Variants in SEMA3A observed in about 807,000 individuals in gnomAD.
SEMA3A encodes the protein semaphorin-3A.
Under a neutral mutation model 97.9 loss-of-function variants are expected in SEMA3A, and 29 were observed. The observed-to-expected ratio is 0.30, with a 90% CI of 0.22 to 0.40. The LOEUF (loss-of-function observed/expected upper bound fraction) is 0.40. SEMA3A is among the 10% of genes least tolerant of loss of function. SEMA3A has a pLI of 1.00. For synonymous variants in SEMA3A, 321 were observed against 323.7 expected, an observed-to-expected ratio of 0.99 and a Z score of 0.09; for missense variants, 763 against 951.3, an observed-to-expected ratio of 0.80 and a Z score of 2.60.
At chr7:84,171,877 T>C (rs912503079) in intron 1 of SEMA3A, among the ~76,000 whole-genome samples, 1 of 152,188 alleles carries the variant, frequency 6.6e-6, no homozygotes, top group African/African-American at 2.4e-5. Flanking sequence ...TTGCATTTGC[T>C]GTGTCATGAG....
chr7:84,056,140 C>T (rs1188352108), intron 5 of SEMA3A, among the ~76,000 whole-genome samples: 1 of 149,410 alleles, frequency 6.7e-6, no homozygotes, highest in South Asian at 2.1e-4. Context: ...ACAAAAGTTA[C>T]TATTTGAGGA....
chr7:84,479,689 C>G (rs974803455), intron 1 of SEMA3A, among the ~76,000 whole-genome samples: 2 of 151,972 alleles, frequency 1.3e-5, no homozygotes, highest in Non-Finnish European at 2.9e-5. Context: ...TGTCAAAGAG[C>G]TATATTTTAT....
At chr7:84,091,970 C>T (rs1794616483) in intron 4 of SEMA3A, among the ~76,000 whole-genome samples, 3 of 152,114 alleles carry the variant, frequency 2.0e-5, no homozygotes, top group South Asian at 2.1e-4. Context: ...TATAAGTCTA[C>T]ACACTACACT....
intron 4 of SEMA3A, among the ~76,000 whole-genome samples, chr7:84,077,158 G>C (rs1318045329): frequency 6.6e-6 from 1 of 152,030 alleles, no homozygotes; most frequent in African/African-American, 2.4e-5. Flanking sequence ...GCCCCAGTGA[G>C]ACCTGGTAAA....
At chr7:84,097,851 A>AT (rs1346282672) in intron 4 of SEMA3A, among the ~76,000 whole-genome samples, 1 of 152,104 alleles carries the variant, frequency 6.6e-6, no homozygotes, top group Non-Finnish European at 1.5e-5. Flanking sequence ...ATGGCATTCG[A>AT]TTTTTTAAAG....
At chr7:84,386,497 A>C (rs1190387238) in intron 1 of SEMA3A, among the ~76,000 whole-genome samples, 1 of 152,176 alleles carries the variant, frequency 6.6e-6, no homozygotes, top group Non-Finnish European at 1.5e-5. Context: ...CAAAATAGTC[A>C]TATGGTTTAA....
chr7:84,414,573 G>T (rs1228953), intron 1 of SEMA3A, among the ~76,000 whole-genome samples: 26,891 of 151,946 alleles, frequency 0.18, 2,524 homozygotes, highest in Middle Eastern at 0.22. Flanking sequence ...TGTGATTCTA[G>T]TATAATAGGA....
At chr7:84,261,954 T>A (rs1297405724) in intron 3 of SEMA3A, among the ~76,000 whole-genome samples, 1 of 152,044 alleles carries the variant, frequency 6.6e-6, no homozygotes, top group Non-Finnish European at 1.5e-5. Context: ...GTTATCTTTT[T>A]TCTTAGAGAG....
At position 84,334,762 on chromosome 7, in the gene SEMA3A, C is replaced by T. The variant is rs542266735; in HGVS notation, c.-168-27470G>A. 3.6e-4 allele frequency among the ~76,000 whole-genome samples: 54 copies of T among 150,972 alleles called. 1 individual carries two copies. The highest frequency in any genetic ancestry group is 2.4e-4 in the Non-Finnish European group (16 of 67,722). ...TGTCTTGATCCACTTTTCATCCCTC[C>T]ATCTTCTCTCTTGTTTTCCTCTCAC... is the stretch of plus-strand genomic sequence containing the variant. On this transcript the variant is annotated intron_variant, in intron 2 of 3. Transcript: ENST00000424555.
chr7:84,382,964 T>C (rs960829631), intron 1 of SEMA3A, among the ~76,000 whole-genome samples: 4 of 152,110 alleles, frequency 2.6e-5, no homozygotes, highest in Non-Finnish European at 5.9e-5. Context: ...GATTCTAGAT[T>C]ACAATAAACA....
intron 1 of SEMA3A, among the ~76,000 whole-genome samples, chr7:84,177,098 G>C (rs1797591312): frequency 6.6e-6 from 1 of 152,038 alleles, no homozygotes; most frequent in African/African-American, 2.4e-5. Context: ...TTCAAATAAA[G>C]CTCATGCATC....
intron 4 of SEMA3A, among the ~76,000 whole-genome samples, chr7:84,068,437 A>C (rs565196067): frequency 1.3e-5 from 2 of 148,312 alleles, no homozygotes; most frequent in Admixed American, 1.3e-4. Context: ...AAAAAAAAAA[A>C]AACTGGAAAA....
At chr7:83,975,123 T>A (rs1345223438) in intron 15 of SEMA3A, among the ~76,000 whole-genome samples, 1 of 152,192 alleles carries the variant, frequency 6.6e-6, no homozygotes, top group African/African-American at 2.4e-5. Context: ...CCCCAGTCAT[T>A]CAATGGTTAA....
chr7:83,985,568 A>G (rs1789596268), intron 12 of SEMA3A, 91 bp from the exon 13 acceptor site: 2 of 1,009,604 alleles, frequency 2.0e-6, no homozygotes, highest in Admixed American at 1.9e-5. Context: ...ATTAGTTTTC[A>G]GAGAGAAACT....
At chr7:84,371,101 G>C (rs1255595352) in intron 2 of SEMA3A, among the ~76,000 whole-genome samples, 1 of 151,530 alleles carries the variant, frequency 6.6e-6, no homozygotes, top group Non-Finnish European at 1.5e-5. Context: ...TAGAAGCACT[G>C]GGTCACATCA....
At chr7:84,280,830 T>C (rs1165342329) in intron 3 of SEMA3A, among the ~76,000 whole-genome samples, 1 of 152,030 alleles carries the variant, frequency 6.6e-6, no homozygotes, top group African/African-American at 2.4e-5. Context: ...AATATAAAAA[T>C]TGCATTGGCA....
At chr7:84,319,222 TTAG>T (rs1584236007) in intron 2 of SEMA3A, among the ~76,000 whole-genome samples, 1 of 152,058 alleles carries the variant, frequency 6.6e-6, no homozygotes, top group Admixed American at 6.6e-5. Context: ...CAGATCTTAA[TTAG>T]GAGGTTCTGT....
chr7:84,447,790 G>A lies in SEMA3A; in HGVS notation c.-246+44670C>T, dbSNP rs953572259. ...GGCTCCCCCAACGCCTGCTTGCCAC[G>A]TTGCGGGCTATGAGGAGAGAAGTGC... On this transcript the variant is annotated intron_variant, in intron 1 of 3. Coordinates refer to the SEMA3A transcript ENST00000424555. Among the ~76,000 whole-genome samples, 8 of 152,220 alleles carry A rather than the reference G, an allele frequency of 5.3e-5. No homozygotes were observed. The East Asian group carries it at 1.5e-3, about 29-fold the overall frequency.
chr7:84,059,453 T>C (rs750740223), intron 5 of SEMA3A, among the ~76,000 whole-genome samples: 114 of 152,102 alleles, frequency 7.5e-4, no homozygotes, highest in Non-Finnish European at 6.8e-4. Flanking sequence ...TCAATATGAC[T>C]AGAGTTTATT....
Sources: allele counts gnomAD v4.1 joint callset (sites outside exome capture counted in the v4.1 genomes callset), GRCh38; gene constraint gnomAD v4.1.1; transcripts MANE v1.5; gene names NCBI Gene and HGNC (gene_info 2026-07-23, HGNC 2026-07-21).